The following GALNT6 variants were observed in gnomAD, a reference collection of about 807,000 sequenced individuals.
GALNT6 encodes the protein GalNAc transferase 6.
GALNT6 carries 51 observed loss-of-function variants against 65.9 expected under a neutral mutation model. The observed-to-expected ratio is 0.77, with a 90% CI of 0.62 to 0.98. The LOEUF (loss-of-function observed/expected upper bound fraction) is 0.98, where lower values mean the gene tolerates loss of function less well. GALNT6 is among the 50% of genes least tolerant of loss of function. The probability of loss-of-function intolerance (pLI) is 0.00; values close to 1 mark genes in which losing one functional copy is unlikely to be tolerated. For synonymous variants in GALNT6, 323 were observed against 315.1 expected, an observed-to-expected ratio of 1.02 and a Z score of -0.26; for missense variants, 708 against 803.3, an observed-to-expected ratio of 0.88 and a Z score of 1.43.
At chr12:51,372,861 T>G (rs551385313) in intron 4 of GALNT6, among the ~76,000 whole-genome samples, 1 of 152,352 alleles carries the variant, frequency 6.6e-6, no homozygotes, top group East Asian at 1.9e-4. Flanking sequence ...GCCCACCTCT[T>G]GCATCAGCGT....
intron 6 of GALNT6, among the ~76,000 whole-genome samples, chr12:51,363,531 C>T (rs1309105514): frequency 2.6e-5 from 4 of 152,186 alleles, no homozygotes; most frequent in Admixed American, 6.5e-5. Context: ...CTATATGTGG[C>T]TGGCAAAGCC....
At chr12:51,364,481 C>T in intron 5 of GALNT6, 126 bp from the exon 6 acceptor site, 4 of 660,768 alleles carry the variant, frequency 6.1e-6, no homozygotes, top group Non-Finnish European at 7.9e-6. Flanking sequence ...AGGCAGCAAG[C>T]CCCACAGCTA....
chr12:51,358,525 C>T (rs574957425), intron 8 of GALNT6, among the ~76,000 whole-genome samples: 168 of 152,118 alleles, frequency 1.1e-3, no homozygotes, highest in Non-Finnish European at 2.1e-3. Flanking sequence ...GGTCTCAAAC[C>T]CCTCACCTTA....
Position 51,355,818 on chromosome 12 carries a change from C to T in GALNT6, c.1743G>A (p.Trp581Ter). 6.2e-7 allele frequency: 1 copy of T among 1,613,282 alleles called. No homozygotes were observed. The highest frequency in any genetic ancestry group is 8.5e-7 in the Non-Finnish European group (1 of 1,179,684). ...KNSQVPKDEE[W>*]ELAQDQLIRN... ...GACACTGACTCACCTGGGCCAATTC[C>T]CATTCCTCGTCCTTGGGGACCTGGC... is the stretch of plus-strand genomic sequence containing the variant. The change falls in exon 11 of 12, where the codon TGG (tryptophan) becomes TGA (stop). Residue 581 changes from tryptophan to a stop codon, truncating the protein, a stop_gained. Transcript: ENST00000356317. LOFTEE classifies it high-confidence loss of function.
chr12:51,357,594 G>C, intron 9 of GALNT6, 144 bp from the exon 10 acceptor site: 1 of 649,348 alleles, frequency 1.5e-6, no homozygotes, highest in Middle Eastern at 3.6e-4. Context: ...TCTCTCCTCT[G>C]TGCGTTAACC....
rs551268631 is a variant in GALNT6, at chr12:51,352,350, C to G, written c.*2029G>C. On this transcript the variant is annotated 3_prime_UTR_variant, in exon 12 of 12. Transcript: ENST00000356317. ...CTTATCAGAGTCCTTACCCTCAGGGCTACTGATACCTTGCTGGGTGACCTT... is the reference window on the plus strand; with the variant it reads ...CTTATCAGAGTCCTTACCCTCAGGGGTACTGATACCTTGCTGGGTGACCTT... 4.6e-5 allele frequency: 7 copies of G among 152,318 alleles called. No homozygotes were observed. The highest frequency in any genetic ancestry group is 1.4e-4 in the African/African-American group (6 of 41,566). The allele number at this position is 152,318 out of a possible 1,614,324, so 9.4% of individuals were successfully genotyped here.
chr12:51,371,193 T>C (rs10876165), intron 4 of GALNT6, among the ~76,000 whole-genome samples: 129,646 of 151,400 alleles, frequency 0.86, 55,649 homozygotes, highest in South Asian at 0.93. Flanking sequence ...AAGCAATTCT[T>C]CTGCCTCAGC....
In GALNT6 at chr12:51,375,352, G is replaced by A. The variant is rs1947416877; in HGVS notation, c.664+1843C>T. Among the ~76,000 whole-genome samples, 3 of 152,102 alleles carry A rather than the reference G, an allele frequency of 2.0e-5. No individual in the cohort carries two copies. The South Asian group carries it at 6.2e-4, about 32-fold the overall frequency. ...ATCCTTTAAGGCCCAGCTCCAATCT[G>A]GCTTCCACTGCAGACCAGCCCTAGC... On this transcript the variant is annotated intron_variant, in intron 4 of 11. Coordinates refer to ENST00000356317, the MANE Select transcript of GALNT6 (RefSeq NM_007210.4).
chr12:51,357,638 A>G (rs1946792413), intron 9 of GALNT6, among the ~76,000 whole-genome samples, 188 bp from the exon 10 acceptor site: 1 of 152,230 alleles, frequency 6.6e-6, no homozygotes, highest in African/African-American at 2.4e-5. Flanking sequence ...AGTGAGCTGC[A>G]GAGCCCCAGA....
At position 51,360,798 on chromosome 12, in the gene GALNT6, A is replaced by G; in HGVS notation, c.1090T>C (p.Ser364Pro). 1 of 1,613,636 alleles carries G rather than the reference A, an allele frequency of 6.2e-7. No homozygotes were observed. ...FAGGLFSISKSYFEHIGTYDN... is the reference protein window; with the variant it reads ...FAGGLFSISKPYFEHIGTYDN... ...TAGGTACCGATGTGCTCAAAGTAGG[A>G]CTTGGAGATGGAGAAGAGGCCACCA... The change falls in exon 7 of 12, where the codon TCC (serine) becomes CCC (proline). Residue 364 changes from serine to proline, a missense_variant. Ser to Pro is a moderately conservative substitution (Grantham distance 74, BLOSUM62 -1). Transcript: ENST00000356317.
intron 3 of GALNT6, among the ~76,000 whole-genome samples, chr12:51,377,943 T>C (rs1201504413): frequency 2.0e-5 from 3 of 152,194 alleles, no homozygotes; most frequent in African/African-American, 7.2e-5. Flanking sequence ...CTTCATCCAC[T>C]CCAGCTACTC....
At chr12:51,375,932 C>T (rs1186122579) in intron 4 of GALNT6, among the ~76,000 whole-genome samples, 1 of 152,018 alleles carries the variant, frequency 6.6e-6, no homozygotes, top group Non-Finnish European at 1.5e-5. Context: ...GCCATCTTGG[C>T]TCACTGCAGC....
intron 2 of GALNT6, among the ~76,000 whole-genome samples, chr12:51,385,684 C>G (rs146794172): frequency 6.6e-6 from 1 of 152,138 alleles, no homozygotes; most frequent in African/African-American, 2.4e-5. Flanking sequence ...CTGCTTTGCC[C>G]CCTTAGCACC....
At chr12:51,378,885 C>T (rs28482999) in intron 3 of GALNT6, among the ~76,000 whole-genome samples, 1 of 88,388 alleles carries the variant, frequency 1.1e-5, no homozygotes, top group Non-Finnish European at 2.2e-5. Context: ...AATGCCCACC[C>T]CCCCCCCAAA....
intron 2 of GALNT6, among the ~76,000 whole-genome samples, chr12:51,384,944 G>A (rs566489281): frequency 2.2e-4 from 33 of 152,108 alleles, no homozygotes; most frequent in African/African-American, 7.5e-4. Flanking sequence ...AAATATCAAA[G>A]TGCATCATGT....
At chr12:51,356,535 A>C (rs943193089) in intron 10 of GALNT6, among the ~76,000 whole-genome samples, 6 of 148,174 alleles carry the variant, frequency 4.0e-5, no homozygotes, top group Non-Finnish European at 6.0e-5. Context: ...ATTTTTTAAA[A>C]ATTTTTTATA....
In GALNT6 at chr12:51,358,153, G is replaced by A; in HGVS notation, c.1477C>T (p.Leu493=). ...ACGGCACCATAGAAGGTGGGCGTCAGGTCAGGAACAAACATCTCTGGGTAG... is the reference window on the plus strand; with the variant it reads ...ACGGCACCATAGAAGGTGGGCGTCAAGTCAGGAACAAACATCTCTGGGTAG... ...NVYPEMFVPD[L]TPTFYGAIKN... is the part of the protein sequence containing the mutation. Residue 493 remains leucine, a synonymous_variant, in exon 9 of 12, where the codon CTG becomes TTG. Coordinates refer to ENST00000356317, the MANE Select transcript of GALNT6 (RefSeq NM_007210.4). 1 of 1,614,008 alleles carries A rather than the reference G, an allele frequency of 6.2e-7. No individual in the cohort carries two copies. The highest frequency in any genetic ancestry group is 1.7e-5 in the Admixed American group (1 of 60,014).
At chr12:51,383,942 T>C (rs1947750765) in intron 2 of GALNT6, among the ~76,000 whole-genome samples, 1 of 152,110 alleles carries the variant, frequency 6.6e-6, no homozygotes, top group Non-Finnish European at 1.5e-5. Context: ...GAATAGCTGC[T>C]ATTCTTTGCT....
Position 51,352,451 on chromosome 12 carries a change from G to A in GALNT6, c.*1928C>T, listed in dbSNP as rs1349477687. ...TTGGGCTACGTGATTTTCACGTTGTGCTTCCAGATTGTTAGAAGTTAGGGG... is the reference window on the plus strand; with the variant it reads ...TTGGGCTACGTGATTTTCACGTTGTACTTCCAGATTGTTAGAAGTTAGGGG... On this transcript the variant is annotated 3_prime_UTR_variant, in exon 12 of 12. Transcript: ENST00000356317. 1.3e-5 allele frequency: 2 copies of A among 152,180 alleles called. No homozygotes were observed. Among genetic ancestry groups the A allele is most frequent in the African/African-American group, 2.4e-5 (1 of 41,432 alleles). The allele number at this position is 152,180 out of a possible 1,614,324, so 9.4% of individuals were successfully genotyped here.
Sources: gnomAD v4.1 joint callset for allele counts (sites outside exome capture counted in the v4.1 genomes callset) on GRCh38, gnomAD v4.1.1 for gene constraint, MANE v1.5 for transcripts, NCBI Gene and HGNC (gene_info 2026-07-23, HGNC 2026-07-21) for gene names.